TRPM4: variants seen among roughly 807,000 people sequenced by gnomAD.
TRPM4 encodes calcium-activated non-selective cation channel 1.
A neutral mutation model predicts 135.6 loss-of-function variants in TRPM4; 124 were observed. That is an observed-to-expected ratio of 0.91 (90% CI 0.79 to 1.06). TRPM4 has a LOEUF of 1.06. Ranked by LOEUF, TRPM4 falls within the 50% of genes least tolerant of loss-of-function variation. The pLI, the probability that TRPM4 is intolerant of heterozygous loss-of-function variation, is 0.00. For missense variants in TRPM4, 1,658 were observed against 1,671.4 expected (o/e 0.99, Z 0.14); for synonymous variants, 745 against 705.6 (o/e 1.06, Z -0.88).
At position 49,166,079 on chromosome 19, in the gene TRPM4, A is replaced by G. The variant is rs1600400452; in HGVS notation, c.131A>G (p.His44Arg). Residue 44 changes from histidine (H) to arginine (R), a missense_variant, in exon 3 of 25, where the codon CAC becomes CGC. Coordinates refer to ENST00000252826, the MANE Select transcript of TRPM4 (RefSeq NM_017636.4). Reference protein sequence around the residue: ...LCQCGRPRTAHPAVAMEDAFG... With the variant: ...LCQCGRPRTARPAVAMEDAFG... ...CAGTGTGGGCGCCCCCGGACCGCCC[A>G]CCCCGCAGTGGCCATGGAGGATGCC... 6.2e-7 allele frequency: 1 copy of G among 1,601,964 alleles called. No individual in the cohort carries two copies. Among genetic ancestry groups the G allele is most frequent in the Non-Finnish European group, 8.5e-7 (1 of 1,175,720 alleles).
chr19:49,175,052 T>G (rs1419795982), intron 9 of TRPM4, among the ~76,000 whole-genome samples: 1 of 143,970 alleles, frequency 6.9e-6, no homozygotes, highest in Non-Finnish European at 1.5e-5. Context: ...CACAGGCATG[T>G]GCCATCATGC....
intron 9 of TRPM4, among the ~76,000 whole-genome samples, chr19:49,172,482 G>T (rs11083964): frequency 6.7e-6 from 1 of 148,396 alleles, no homozygotes; most frequent in Non-Finnish European, 1.5e-5. Flanking sequence ...AATTCCATCC[G>T]CTCATTCCTC....
chr19:49,211,094 C>T lies in TRPM4; in HGVS notation c.3534+7C>T, dbSNP rs1053476352. Reference sequence around the variant, plus strand: ...GAAAGTGCTGGAGCGGGAGGTGAGGCCTTGGGGCCTGGCTGGGGGACTGTG... The same window carrying T: ...GAAAGTGCTGGAGCGGGAGGTGAGGTCTTGGGGCCTGGCTGGGGGACTGTG... On this transcript the variant is annotated splice_region_variant and intron_variant, in intron 23 of 24. Transcript: ENST00000252826. This position sits in a 1 kb window ranked among gnomAD's most constrained non-coding sequence, Gnocchi z 4.8. The T allele has an allele frequency of 6.2e-7, 1 of 1,613,894 alleles. No individual in the cohort carries two copies. Among genetic ancestry groups the T allele is most frequent in the Non-Finnish European group, 8.5e-7 (1 of 1,179,928 alleles).
chr19:49,167,444 CCTCT>C (rs1356976397), intron 3 of TRPM4, among the ~76,000 whole-genome samples: 1 of 99,898 alleles, frequency 1.0e-5, no homozygotes. Flanking sequence ...GGTCTCTGTC[CCTCT>C]CTCTCTGGGT....
chr19:49,188,402 T>C (rs1247315857), intron 12 of TRPM4, among the ~76,000 whole-genome samples: 2 of 152,206 alleles, frequency 1.3e-5, no homozygotes, highest in African/African-American at 4.8e-5. Context: ...ACTGCTGAAT[T>C]GATTCTAACT....
chr19:49,198,419 G>A (rs1017371424), intron 17 of TRPM4, among the ~76,000 whole-genome samples: 2 of 152,046 alleles, frequency 1.3e-5, no homozygotes, highest in South Asian at 4.1e-4. Context: ...GGCCGAGGCG[G>A]GTGGATCACC....
At chr19:49,202,910 T>A (rs1235147157) in intron 20 of TRPM4, among the ~76,000 whole-genome samples, 4 of 131,476 alleles carry the variant, frequency 3.0e-5, no homozygotes, top group African/African-American at 1.3e-4. Context: ...TTTGACGGAG[T>A]CTCGCTGTGT....
intron 16 of TRPM4, among the ~76,000 whole-genome samples, chr19:49,194,546 C>T (rs996555032): frequency 3.3e-5 from 5 of 151,924 alleles, no homozygotes; most frequent in Admixed American, 3.3e-4. Flanking sequence ...CGCTTGGCCT[C>T]ACTTATTTCC....
chr19:49,201,961 C>T lies in TRPM4; in HGVS notation c.2954-3C>T. The T allele has an allele frequency of 6.2e-7, 1 of 1,613,466 alleles. No individual in the cohort carries two copies. The highest frequency in any genetic ancestry group is 1.1e-5 in the South Asian group (1 of 91,092). On this transcript the variant is annotated splice_region_variant and splice_polypyrimidine_tract_variant and intron_variant, in intron 19 of 24. Transcript: ENST00000252826. ...CCCCATCTCTGAATGTCTCTCTTCACAGTGGCCCTCATGGAGCACAGCAAC... is the reference window on the plus strand; with the variant it reads ...CCCCATCTCTGAATGTCTCTCTTCATAGTGGCCCTCATGGAGCACAGCAAC...
intron 9 of TRPM4, among the ~76,000 whole-genome samples, chr19:49,177,934 T>C (rs950414816): frequency 1.3e-5 from 2 of 152,062 alleles, no homozygotes; most frequent in African/African-American, 4.8e-5. Flanking sequence ...ACAAGGCCAG[T>C]GAGGCAGGTA....
intron 2 of TRPM4, 125 bp from the exon 3 acceptor site, chr19:49,165,916 C>A: frequency 9.9e-7 from 1 of 1,006,844 alleles, no homozygotes; most frequent in Admixed American, 2.3e-5. Context: ...GCAGCGTGGA[C>A]TCTGCCTGCC....
Position 49,210,576 on chromosome 19 carries a change from G to A in TRPM4, c.3329-134G>A, listed in dbSNP as rs1324517887. ...GCACTGAGGGGCAGTGCTTACGGGT[G>A]AGGGGCGGGGCATGTTCTCGAATCA... On this transcript the variant is annotated intron_variant, in intron 21 of 24. Transcript: ENST00000252826. The surrounding 1 kb of genome is among the most constrained non-coding windows in gnomAD (Gnocchi z 4.1). 3.4e-6 allele frequency: 5 copies of A among 1,473,858 alleles called. No individual in the cohort carries two copies. Among genetic ancestry groups the A allele is most frequent in the Non-Finnish European group, 4.7e-6 (5 of 1,067,874 alleles). 91.3% of individuals were successfully genotyped at this position (1,473,858 alleles called of 1,614,324 possible).
chr19:49,203,852 G>A (rs1969045695), intron 20 of TRPM4, among the ~76,000 whole-genome samples: 1 of 152,156 alleles, frequency 6.6e-6, no homozygotes, highest in South Asian at 2.1e-4. Context: ...TTTGGGCCCA[G>A]CGTGGTGGCT....
chr19:49,211,414 C>CT lies in TRPM4; in HGVS notation c.3641-74dup, dbSNP rs1276431477. 1 of 1,607,856 alleles carries CT rather than the reference C, an allele frequency of 6.2e-7. No individual in the cohort carries two copies. The highest frequency in any genetic ancestry group is 8.5e-7 in the Non-Finnish European group (1 of 1,176,060). On this transcript the variant is annotated intron_variant, in intron 24 of 24. Transcript: ENST00000252826. This position sits in a 1 kb window ranked among gnomAD's most constrained non-coding sequence, Gnocchi z 4.8. Reference sequence around the variant, plus strand: ...TTGTACTCTCGCCTTCGTCTTTCTTCTTTTTTGCCAGTCTCCCAGTTTTTC... The same window carrying CT: ...TTGTACTCTCGCCTTCGTCTTTCTTCTTTTTTTGCCAGTCTCCCAGTTTTTC...
chr19:49,207,706 C>T (rs909924709), intron 20 of TRPM4, among the ~76,000 whole-genome samples: 3 of 149,896 alleles, frequency 2.0e-5, no homozygotes, highest in Non-Finnish European at 1.5e-5. Flanking sequence ...TTTGGGAGGC[C>T]GAGGTGGGCA....
chr19:49,178,120 C>T (rs1008262984), intron 9 of TRPM4, among the ~76,000 whole-genome samples: 3 of 152,106 alleles, frequency 2.0e-5, no homozygotes, highest in Non-Finnish European at 4.4e-5. Context: ...CGCTTGAGCC[C>T]AGGAGTTTGA....
chr19:49,190,828 C>T, intron 16 of TRPM4, 55 bp downstream of exon 16: 2 of 1,523,984 alleles, frequency 1.3e-6, no homozygotes, highest in South Asian at 1.1e-5. Flanking sequence ...CAGTTCAGGA[C>T]ATGTGCCAGT....
Position 49,182,810 on chromosome 19 carries a change from G to A in TRPM4, c.1496G>A (p.Arg499Gln), listed in dbSNP as rs2122936347. 3.7e-6 allele frequency: 6 copies of A among 1,612,842 alleles called. No individual in the cohort carries two copies. Among genetic ancestry groups the A allele is most frequent in the African/African-American group, 1.3e-5 (1 of 75,054 alleles). The change falls in exon 11 of 25, where the codon CGG becomes CAG. Residue 499 changes from arginine to glutamine, a missense_variant. By Grantham distance (43) the Arg-to-Gln change is conservative. Around this residue, in one of 3 missense-constraint regions of TRPM4, gnomAD observed 1,412 missense variants for 1,408.7 expected, o/e 1.00. Transcript: ENST00000252826. ...PALKGGAAEL[R>Q]PPDVGHVLRM... ...CTAAAAGGGGGAGCTGCGGAGCTCCGGCCCCCTGACGTGGGGCATGTGCTG... is the reference window on the plus strand; with the variant it reads ...CTAAAAGGGGGAGCTGCGGAGCTCCAGCCCCCTGACGTGGGGCATGTGCTG...
intron 10 of TRPM4, among the ~76,000 whole-genome samples, chr19:49,182,125 C>CATCCATCT (rs879711809): frequency 0.28 from 38,368 of 135,484 alleles, 6,313 homozygotes; most frequent in South Asian, 0.36. Flanking sequence ...TCCATCCATC[C>CATCCATCT]ATCTGTCCAT....
Sources: allele counts gnomAD v4.1 joint callset (sites outside exome capture counted in the v4.1 genomes callset), GRCh38; gene constraint gnomAD v4.1.1; regional missense constraint gnomAD v4.1.1; non-coding constraint Gnocchi (gnomAD v3.1); transcripts MANE v1.5; gene names NCBI Gene and HGNC (gene_info 2026-07-23, HGNC 2026-07-21).